Variants in RUBCN observed in about 807,000 individuals in gnomAD.
RUBCN encodes rubicon autophagy regulator.
RUBCN carries 74 observed loss-of-function variants against 113.2 expected under a neutral mutation model. The observed-to-expected ratio is 0.65, with a 90% CI of 0.54 to 0.79. The LOEUF (loss-of-function observed/expected upper bound fraction) is 0.79, where lower values mean the gene tolerates loss of function less well. RUBCN is among the 30% of genes least tolerant of loss of function. RUBCN has a pLI of 0.00. For missense variants in RUBCN, 1,109 were observed against 1,251.7 expected (o/e 0.89, Z 1.72); for synonymous variants, 480 against 490.0 (o/e 0.98, Z 0.27).
intron 11 of RUBCN, among the ~76,000 whole-genome samples, chr3:197,684,562 CAA>C (rs1235045152): frequency 6.6e-6 from 1 of 151,948 alleles, no homozygotes; most frequent in African/African-American, 2.4e-5. Context: ...AAACACAAAA[CAA>C]AGGACTCAAA....
At position 197,697,030 on chromosome 3, in the gene RUBCN, C is replaced by G; in HGVS notation, c.1281G>C (p.Ala427=). 1 of 1,597,262 alleles carries G rather than the reference C, an allele frequency of 6.3e-7. No homozygotes were observed. Among genetic ancestry groups the G allele is most frequent in the Non-Finnish European group, 8.6e-7 (1 of 1,164,676 alleles). Residue 427 remains alanine, a synonymous_variant, in exon 8 of 20, where the codon GCG becomes GCC. Coordinates refer to ENST00000296343, the MANE Select transcript of RUBCN (RefSeq NM_014687.4). The part of the protein sequence containing the change: ...RGAPESCNDK[A]KLRGPLPYSG... ...AGTAGGGCAAAGGGCCTCTCAACTT[C>G]GCCTTATCATTGCAGGATTCTAATG...
intron 1 of RUBCN, among the ~76,000 whole-genome samples, chr3:197,729,238 TG>T (rs1276872904): frequency 6.7e-6 from 1 of 149,070 alleles, no homozygotes; most frequent in African/African-American, 2.5e-5. Context: ...ACATTGCTTT[TG>T]TTTTTTTTGT....
At position 197,681,603 on chromosome 3, in the gene RUBCN, C is replaced by T. The variant is rs1721246276; in HGVS notation, c.2191+232G>A. Among the ~76,000 whole-genome samples, 1 of 152,196 alleles carries T rather than the reference C, an allele frequency of 6.6e-6. No individual in the cohort carries two copies. Among genetic ancestry groups the T allele is most frequent in the Non-Finnish European group, 1.5e-5 (1 of 68,032 alleles). Reference sequence around the variant, plus strand: ...CTGGAGATAGTAAGATCCCGCCTTACCAGCTAGCTGGAACTACCCAACTTT... The same window carrying T: ...CTGGAGATAGTAAGATCCCGCCTTATCAGCTAGCTGGAACTACCCAACTTT... On this transcript the variant is annotated intron_variant, in intron 15 of 19. Coordinates refer to ENST00000296343, the MANE Select transcript of RUBCN (RefSeq NM_014687.4). The surrounding 1 kb of genome is among the most constrained non-coding windows in gnomAD (Gnocchi z 5.5).
rs1462331466 is a variant in RUBCN at position 197,669,072 on chromosome 3, T to TA, written c.*5945dup. 6.6e-6 allele frequency among the ~76,000 whole-genome samples: 1 copy of TA among 152,234 alleles called. No individual in the cohort carries two copies. The highest frequency in any genetic ancestry group is 2.4e-5 in the African/African-American group (1 of 41,460). Reference sequence around the variant, plus strand: ...ATGCTTTTTATATAGGTAAACTTCTTAATCTGGAATAATTTTAGATCCACA... The same window carrying TA: ...ATGCTTTTTATATAGGTAAACTTCTTAAATCTGGAATAATTTTAGATCCACA... On this transcript the variant is annotated 3_prime_UTR_variant, in exon 20 of 20. Transcript: ENST00000296343.
Position 197,674,854 on chromosome 3 carries a change from C to CAGGG in RUBCN, c.*163_*164insCCCT. The CAGGG allele has an allele frequency of 1.7e-6, 1 of 594,130 alleles. No individual in the cohort carries two copies. Among genetic ancestry groups the CAGGG allele is most frequent in the Admixed American group, 3.8e-5 (1 of 26,162 alleles). 36.8% of individuals were successfully genotyped at this position (594,130 alleles called of 1,614,324 possible). A position where few individuals can be genotyped will look rare whatever the true frequency, so the allele number is the denominator to read the frequency against. On this transcript the variant is annotated 3_prime_UTR_variant, in exon 20 of 20. Transcript: ENST00000296343. ...GACCCATCAACCTGCCGACGGCTGA[C>CAGGG]TGCACACAGACGTCAGACAAGTCAG...
intron 1 of RUBCN, among the ~76,000 whole-genome samples, chr3:197,734,290 C>T (rs1416272463): frequency 6.6e-6 from 1 of 150,696 alleles, no homozygotes; most frequent in East Asian, 1.9e-4. Context: ...GTCTCTTGGG[C>T]CGGCATGGTC....
intron 10 of RUBCN, chr3:197,694,128 T>C: frequency 1.6e-6 from 1 of 629,240 alleles, no homozygotes; most frequent in Non-Finnish European, 2.9e-6. Context: ...TGGCCTCAAG[T>C]GATCCACCCG....
chr3:197,700,836 G>C lies in RUBCN; in HGVS notation c.1038C>G (p.Ala346=). The change falls in exon 7 of 20, where the codon GCC becomes GCG. Residue 346 remains alanine (A), a synonymous_variant. Transcript: ENST00000296343. ...AGAACAAATTGGAACTGCTGCTCTC[G>C]GCATTGCTGCTGTGACTCTGACAGC... ...TASCQSHSSN[A]ESSSSNLFSS... The C allele has an allele frequency of 6.2e-7, 1 of 1,614,136 alleles. No homozygotes were observed. Among genetic ancestry groups the C allele is most frequent in the Non-Finnish European group, 8.5e-7 (1 of 1,180,016 alleles).
At position 197,675,389 on chromosome 3, in the gene RUBCN, G is replaced by A; in HGVS notation, c.2740+33C>T. 6.3e-7 allele frequency: 1 copy of A among 1,583,510 alleles called. No individual in the cohort carries two copies. ...GGGAATCAAGGAGCCCTGTGTTCAG[G>A]CTCACTTGCCCGATGCCTGCACCTG... On this transcript the variant is annotated intron_variant, in intron 19 of 19. Transcript: ENST00000296343. This position sits in a 1 kb window ranked among gnomAD's most constrained non-coding sequence, Gnocchi z 4.4.
At chr3:197,687,933 TG>T (rs1357957182) in intron 11 of RUBCN, among the ~76,000 whole-genome samples, 1 of 152,186 alleles carries the variant, frequency 6.6e-6, no homozygotes, top group African/African-American at 2.4e-5. Flanking sequence ...ATCTCAGCCT[TG>T]GGGATGTATC....
At chr3:197,705,781 T>G (rs1296046722) in intron 2 of RUBCN, among the ~76,000 whole-genome samples, 2 of 151,986 alleles carry the variant, frequency 1.3e-5, no homozygotes, top group Admixed American at 6.6e-5. Context: ...CAGGCTGGAG[T>G]GCAGTGGCGT....
At chr3:197,737,996 C>T (rs1289986584), upstream of RUBCN, among the ~76,000 whole-genome samples, 3 of 152,192 alleles carry the variant, frequency 2.0e-5, no homozygotes, top group Admixed American at 6.5e-5. Flanking sequence ...TCAAGCAGTC[C>T]TCCTTCCTCA....
At chr3:197,745,539 C>T (rs567241810) in intron 1 of RUBCN, among the ~76,000 whole-genome samples, 18 of 151,782 alleles carry the variant, frequency 1.2e-4, no homozygotes, top group Admixed American at 2.6e-4. Context: ...TTCTTGAATC[C>T]GGGAGGCAGA....
At chr3:197,732,873 G>T (rs1032585290) in intron 1 of RUBCN, among the ~76,000 whole-genome samples, 2 of 152,142 alleles carry the variant, frequency 1.3e-5, no homozygotes, top group East Asian at 1.9e-4. Flanking sequence ...AGTCACTTGT[G>T]GGGGAGACCC....
Position 197,681,864 on chromosome 3 carries a change from C to G in RUBCN, c.2162G>C (p.Cys721Ser). 1 of 1,614,042 alleles carries G rather than the reference C, an allele frequency of 6.2e-7. No homozygotes were observed. The highest frequency in any genetic ancestry group is 1.1e-5 in the South Asian group (1 of 91,082). Residue 721 changes from cysteine to serine, a missense_variant, in exon 15 of 20, where the codon TGT (cysteine) becomes TCT (serine). Cys to Ser is a moderately radical substitution (Grantham distance 112). Around this residue, in one of 3 missense-constraint regions of RUBCN, gnomAD observed 306 missense variants for 348.9 expected, o/e 0.88. Coordinates refer to ENST00000296343, the MANE Select transcript of RUBCN (RefSeq NM_014687.4). The surrounding 1 kb of genome is among the most constrained non-coding windows in gnomAD (Gnocchi z 5.5). ...KIAVAKQNYR[C>S]AGCGIRTDPD... ...GTCAGTCCGGATGCCACATCCTGCA[C>G]AGCGGTAATTCTGCTTGGCCACGGC... is the stretch of plus-strand genomic sequence containing the variant.
intron 1 of RUBCN, among the ~76,000 whole-genome samples, chr3:197,729,132 C>CGA (rs1201503736): frequency 2.9e-5 from 4 of 136,416 alleles, no homozygotes; most frequent in African/African-American, 1.1e-4. Flanking sequence ...GGCAACAGAG[C>CGA]GAGACTCCGT....
At chr3:197,694,626 T>A (rs1722806409) in intron 9 of RUBCN, 41 bp from the exon 10 acceptor site, 2 of 1,532,924 alleles carry the variant, frequency 1.3e-6, no homozygotes, top group African/African-American at 2.7e-5. Context: ...GGGTTAGAAG[T>A]ATTGAATGAC....
intron 11 of RUBCN, chr3:197,691,017 G>A: frequency 1.1e-6 from 1 of 943,018 alleles, no homozygotes; most frequent in Non-Finnish European, 1.5e-6. Context: ...ACGAAAGCTG[G>A]TGCAACATTC....
chr3:197,724,695 T>C (rs907478714), intron 1 of RUBCN, among the ~76,000 whole-genome samples: 2 of 152,142 alleles, frequency 1.3e-5, no homozygotes. Flanking sequence ...ATGAAAACTT[T>C]TGACCAAAAA....
Sources: allele counts gnomAD v4.1 joint callset (sites outside exome capture counted in the v4.1 genomes callset), GRCh38; gene constraint gnomAD v4.1.1; regional missense constraint gnomAD v4.1.1; non-coding constraint Gnocchi (gnomAD v3.1); transcripts MANE v1.5; gene names NCBI Gene and HGNC (gene_info 2026-07-23, HGNC 2026-07-21).